The following PFDN5 variants were observed in gnomAD, a reference collection of about 807,000 sequenced individuals.
The protein encoded by PFDN5 is c-myc binding protein.
A neutral mutation model predicts 21.5 loss-of-function variants in PFDN5; 13 were observed. That is an observed-to-expected ratio of 0.60 (90% CI 0.39 to 0.96). The LOEUF (loss-of-function observed/expected upper bound fraction) is 0.96, where lower values mean the gene tolerates loss of function less well. PFDN5 is among the 40% of genes least tolerant of loss of function. The probability of loss-of-function intolerance (pLI) is 0.00; values close to 1 mark genes in which losing one functional copy is unlikely to be tolerated. For synonymous variants in PFDN5, 84 were observed against 68.9 expected, an observed-to-expected ratio of 1.22 and a Z score of -1.08; for missense variants, 188 against 186.2, an observed-to-expected ratio of 1.01 and a Z score of -0.06.
Position 53,295,822 on chromosome 12 carries a change from A to G in PFDN5, c.73-17A>G, listed in dbSNP as rs1181758064. 9 of 1,497,452 alleles carry G rather than the reference A, an allele frequency of 6.0e-6. No individual in the cohort carries two copies. The Admixed American group carries it at 6.7e-5, about 11-fold the overall frequency. 92.8% of individuals were successfully genotyped at this position (1,497,452 alleles called of 1,614,324 possible). On this transcript the variant is annotated splice_polypyrimidine_tract_variant and intron_variant, in intron 1 of 5. Transcript: ENST00000334478. ...CCCTTAGTCCTCTCATTGACCCGCT[A>G]TCCCGGTCCTCTGTAGGAAGTGGAG...
rs565008808 is a variant in PFDN5, at chr12:53,295,563, C to T, written c.-5C>T. On this transcript the variant is annotated 5_prime_UTR_variant, in exon 1 of 6. Transcript: ENST00000334478. ...CTTCCTCTTCGTTAAGTCGGCCTTCCCAACATGGCGCAGTCTATTAACATC... is the reference window on the plus strand; with the variant it reads ...CTTCCTCTTCGTTAAGTCGGCCTTCTCAACATGGCGCAGTCTATTAACATC... 1.9e-6 allele frequency: 3 copies of T among 1,612,678 alleles called. No homozygotes were observed. The highest frequency in any genetic ancestry group is 1.3e-5 in the African/African-American group (1 of 74,976).
intron 3 of PFDN5, chr12:53,297,583 T>C (rs1454222251): frequency 1.1e-5 from 5 of 437,400 alleles, no homozygotes; most frequent in East Asian, 4.4e-5. Context: ...ATGGGAAGAA[T>C]TGCAAGAACT....
intron 4 of PFDN5, 33 bp downstream of exon 4, chr12:53,297,957 A>C: frequency 8.8e-6 from 14 of 1,589,602 alleles, no homozygotes; most frequent in Non-Finnish European, 1.2e-5. Context: ...CCCTCTAAAC[A>C]GGGAAGGGAA....
chr12:53,296,260 C>G lies in PFDN5; in HGVS notation c.192C>G (p.Val64=). The G allele has an allele frequency of 1.2e-6, 2 of 1,608,776 alleles. No individual in the cohort carries two copies. The highest frequency in any genetic ancestry group is 1.3e-5 in the African/African-American group (1 of 74,940). ...CTTTCACAGGGAAAGAATTACTCGTCCCACTGACGAGTTCTGTATCCTTTC... is the reference window on the plus strand; with the variant it reads ...CTTTCACAGGGAAAGAATTACTCGTGCCACTGACGAGTTCTGTATCCTTTC... ...NKSNEGKELL[V]PLTSSMYVPG... is the part of the protein sequence containing the mutation. The change falls in exon 3 of 6, where the codon GTC becomes GTG. Residue 64 remains valine, a synonymous_variant. Coordinates refer to ENST00000334478, the MANE Select transcript of PFDN5 (RefSeq NM_002624.4).
rs866283515 is a variant in PFDN5, at chr12:53,299,394, C to T, written c.*49C>T. On this transcript the variant is annotated 3_prime_UTR_variant, in exon 6 of 6. Transcript: ENST00000334478. ...AGGGACACCCTTTGGGCGTGGCTTCCTGGTGATGGGAAGGGTCTTGTGTTT... is the reference window on the plus strand; with the variant it reads ...AGGGACACCCTTTGGGCGTGGCTTCTTGGTGATGGGAAGGGTCTTGTGTTT... 2.5e-6 allele frequency: 3 copies of T among 1,189,750 alleles called. No individual in the cohort carries two copies. The Middle Eastern group carries it at 5.7e-4, about 227-fold the overall frequency. The allele number at this position is 1,189,750 out of a possible 1,614,324, so 73.7% of individuals were successfully genotyped here.
At chr12:53,296,324 T>A in intron 3 of PFDN5, 49 bp downstream of exon 3, 1 of 1,472,754 alleles carries the variant, frequency 6.8e-7, no homozygotes, top group Non-Finnish European at 9.4e-7. Flanking sequence ...CCTTTCTCCT[T>A]CACTCCCCCA....
intron 3 of PFDN5, chr12:53,296,480 C>T (rs373420477): frequency 2.7e-5 from 18 of 665,772 alleles, no homozygotes; most frequent in Middle Eastern, 3.8e-4. Flanking sequence ...GAGATCTTGG[C>T]TTACTGCAAC....
intron 2 of PFDN5, 143 bp from the exon 3 acceptor site, chr12:53,296,100 AC>A (rs1405978877): frequency 2.5e-6 from 2 of 801,432 alleles, no homozygotes; most frequent in East Asian, 5.3e-5. Context: ...ATTGAAAAGT[AC>A]AGGACATTCC....
chr12:53,295,895 T>C lies in PFDN5; in HGVS notation c.129T>C (p.Tyr43=). The C allele has an allele frequency of 6.2e-7, 1 of 1,612,710 alleles. No individual in the cohort carries two copies. The highest frequency in any genetic ancestry group is 8.5e-7 in the Non-Finnish European group (1 of 1,178,710). ...AGCTCAAAGTGGTACAGACCAAGTA[T>C]GTGGAAGCCAAGGACTGTCTGAACG... The part of the protein sequence containing the change: ...IAQLKVVQTK[Y]VEAKDCLNVL... Residue 43 remains tyrosine, a synonymous_variant, in exon 2 of 6, where the codon TAT becomes TAC. Transcript: ENST00000334478.
chr12:53,295,668 T>C, intron 1 of PFDN5, 29 bp downstream of exon 1: 1 of 1,584,982 alleles, frequency 6.3e-7, no homozygotes, highest in Non-Finnish European at 8.7e-7. Flanking sequence ...GGCACCTCTT[T>C]CCTGCTCTAC....
chr12:53,296,650 C>A (rs972347494), intron 3 of PFDN5: 1 of 338,766 alleles, frequency 3.0e-6, no homozygotes, highest in Admixed American at 4.8e-5. Flanking sequence ...CCTCGTGATC[C>A]GCCTGCCTCG....
chr12:53,297,021 A>C (rs1328328014), intron 3 of PFDN5: 1 of 153,336 alleles, frequency 6.5e-6, no homozygotes, highest in Non-Finnish European at 1.5e-5. Context: ...TCACTTGTTC[A>C]GTGTTTTATT....
At position 53,296,340 on chromosome 12, in the gene PFDN5, C is replaced by A. The variant is rs1944149918; in HGVS notation, c.207+65C>A. Reference sequence around the variant, plus strand: ...CTTTCTCCTTCACTCCCCCAAAAAGCGGGGAGGGGGATTGTTTTGATTACT... The same window carrying A: ...CTTTCTCCTTCACTCCCCCAAAAAGAGGGGAGGGGGATTGTTTTGATTACT... On this transcript the variant is annotated intron_variant, in intron 3 of 5. Transcript: ENST00000334478. 8.9e-6 allele frequency: 11 copies of A among 1,238,684 alleles called. No individual in the cohort carries two copies. In the Admixed American group the frequency reaches 1.8e-4, roughly 21 times the overall value. The allele number at this position is 1,238,684 out of a possible 1,614,324, so 76.7% of individuals were successfully genotyped here.
At chr12:53,296,214 C>G in intron 2 of PFDN5, 30 bp from the exon 3 acceptor site, 4 of 1,604,174 alleles carry the variant, frequency 2.5e-6, no homozygotes, top group Non-Finnish European at 3.4e-6. Context: ...GCTAACCTTC[C>G]CCAGGTGTTT....
intron 5 of PFDN5, 133 bp from the exon 6 acceptor site, chr12:53,299,136 C>CAA (rs5798261): frequency 0.077 from 27,442 of 356,672 alleles, 47 homozygotes; most frequent in South Asian, 0.11. Flanking sequence ...GATTCTGTCT[C>CAA]AAAAAAAAAA....
intron 2 of PFDN5, 48 bp from the exon 3 acceptor site, chr12:53,296,196 T>G: frequency 6.4e-7 from 1 of 1,567,460 alleles, no homozygotes; most frequent in Non-Finnish European, 8.8e-7. Flanking sequence ...ACGTCTTACG[T>G]TGGAGCCGCT....
chr12:53,296,530 T>G, intron 3 of PFDN5: 4 of 597,906 alleles, frequency 6.7e-6, no homozygotes, highest in Non-Finnish European at 6.0e-6. Flanking sequence ...TGCCTCAGTC[T>G]CCCGAGTAGC....
intron 2 of PFDN5, 117 bp from the exon 3 acceptor site, chr12:53,296,127 C>T: frequency 1.1e-6 from 1 of 905,080 alleles, no homozygotes; most frequent in Non-Finnish European, 1.8e-6. Flanking sequence ...TCCTATTGCC[C>T]CTGTTTCCGT....
At chr12:53,295,993 G>C (rs372568247) in intron 2 of PFDN5, 52 bp downstream of exon 2, 18 of 1,085,264 alleles carry the variant, frequency 1.7e-5, no homozygotes, top group Non-Finnish European at 2.6e-5. Flanking sequence ...TGCTTCTCTC[G>C]TCCCACCTCC....
Sources: allele counts gnomAD v4.1 joint callset, GRCh38; gene constraint gnomAD v4.1.1; transcripts MANE v1.5; gene names NCBI Gene and HGNC (gene_info 2026-07-23, HGNC 2026-07-21).